The following MAPK9 variants were observed in gnomAD, a reference collection of about 807,000 sequenced individuals.
MAPK9 encodes Jun kinase.
A neutral mutation model predicts 57.1 loss-of-function variants in MAPK9; 30 were observed. The ratio of observed to expected loss-of-function variants is 0.53; its 90% CI spans 0.39 to 0.71. The LOEUF is 0.71. Ranked by LOEUF, MAPK9 falls within the 30% of genes least tolerant of loss-of-function variation. MAPK9 has a pLI of 0.00. For synonymous variants in MAPK9, 155 were observed against 177.0 expected (o/e 0.88, Z 0.99); for missense variants, 362 against 521.0 (o/e 0.69, Z 2.97).
In MAPK9 at chr5:180,251,869, G is replaced by A. The variant is rs1357591876; in HGVS notation, c.451-2731C>T. 2.0e-5 allele frequency among the ~76,000 whole-genome samples: 3 copies of A among 152,140 alleles called. No individual in the cohort carries two copies. The East Asian group carries it at 5.8e-4, about 29-fold the overall frequency. ...CCTCCCCCACTGCCCGCTCAACTCT[G>A]GGATCCAGACCCACTGCTTGAGAGG... On this transcript the variant is annotated intron_variant, in intron 5 of 11. Transcript: ENST00000452135.
At position 180,291,856 on chromosome 5, in the gene MAPK9, C is replaced by A. The variant is rs1045810610; in HGVS notation, c.-56G>T. 3.4e-5 allele frequency: 5 copies of A among 147,700 alleles called. No homozygotes were observed. The highest frequency in any genetic ancestry group is 7.3e-5 in the African/African-American group (3 of 40,930). 9.1% of individuals were successfully genotyped at this position (147,700 alleles called of 1,614,324 possible). A position where few individuals can be genotyped will look rare whatever the true frequency, so the allele number is the denominator to read the frequency against. On this transcript the variant is annotated 5_prime_UTR_variant, in exon 1 of 12. Transcript: ENST00000452135. ...CCGCCCGCCGGGCTCACCTCGCCTC[C>A]CCGCCGCCGCGCCACGGGGAGAGGG...
chr5:180,284,911 C>A (rs992648601), intron 1 of MAPK9, among the ~76,000 whole-genome samples: 2 of 152,198 alleles, frequency 1.3e-5, no homozygotes, highest in Non-Finnish European at 2.9e-5. Context: ...AACACACACA[C>A]ACGCATACAC....
chr5:180,281,512 T>C (rs867286364), intron 1 of MAPK9, among the ~76,000 whole-genome samples: 4 of 152,240 alleles, frequency 2.6e-5, no homozygotes, highest in Admixed American at 6.5e-5. Flanking sequence ...TATTTTGGTC[T>C]TTTAAAACTA....
chr5:180,280,332 A>G (rs1762211480), intron 2 of MAPK9, 108 bp downstream of exon 2: 1 of 1,451,782 alleles, frequency 6.9e-7, no homozygotes, highest in African/African-American at 1.4e-5. Context: ...ATAAACCTAT[A>G]ACAGAGTTTT....
intron 5 of MAPK9, among the ~76,000 whole-genome samples, chr5:180,259,131 GA>G (rs1759632757): frequency 1.3e-5 from 2 of 152,080 alleles, no homozygotes; most frequent in South Asian, 2.1e-4. Flanking sequence ...TGACTGTAAG[GA>G]ATGTGGTCAA....
At position 180,247,416 on chromosome 5, in the gene MAPK9, G is replaced by C; in HGVS notation, c.688+23C>G. 6.2e-7 allele frequency: 1 copy of C among 1,614,152 alleles called. No homozygotes were observed. The highest frequency in any genetic ancestry group is 1.1e-5 in the South Asian group (1 of 91,074). ...TGAGGCATTAAGAAAGCATGGCGGG[G>C]CCAAGGTCGCGGGGAAGGATACGGT... On this transcript the variant is annotated intron_variant, in intron 7 of 11. Coordinates refer to ENST00000452135, the MANE Select transcript of MAPK9 (RefSeq NM_002752.5). The surrounding 1 kb of genome is among the most constrained non-coding windows in gnomAD (Gnocchi z 4.5).
chr5:180,267,398 T>TAAA (rs1760702135), intron 3 of MAPK9, among the ~76,000 whole-genome samples: 1 of 151,386 alleles, frequency 6.6e-6, no homozygotes. Flanking sequence ...CTGTCTCTAC[T>TAAA]AAAAATACAA....
chr5:180,291,134 AGG>A (rs145618038), intron 1 of MAPK9, among the ~76,000 whole-genome samples: 2,025 of 152,244 alleles, frequency 0.013, 62 homozygotes, highest in East Asian at 0.13. Flanking sequence ...GCAAATGCAA[AGG>A]TCCTGGGGCA....
chr5:180,290,604 T>C (rs1763144490), intron 1 of MAPK9, among the ~76,000 whole-genome samples: 1 of 152,240 alleles, frequency 6.6e-6, no homozygotes, highest in Non-Finnish European at 1.5e-5. Flanking sequence ...TAAACTATTA[T>C]AAAAATGTGA....
chr5:180,239,944 T>C lies in MAPK9; in HGVS notation c.1040A>G (p.His347Arg). The change falls in exon 10 of 12, where the codon CAT becomes CGT. Residue 347 changes from histidine to arginine, a missense_variant. His to Arg is a conservative substitution (Grantham distance 29). This residue lies in a region of MAPK9 where 199 missense variants were observed against 251.3 expected (regional missense o/e 0.79). Coordinates refer to ENST00000452135, the MANE Select transcript of MAPK9 (RefSeq NM_002752.5). Reference protein sequence around the residue: ...IYDAQLEEREHAIEEWKELIY... With the variant: ...IYDAQLEERERAIEEWKELIY... Reference sequence around the variant, plus strand: ...TTTACCTTTCCATTCTTCAATTGCATGTTCTCTTTCTTCCAACTGGGCATC... The same window carrying C: ...TTTACCTTTCCATTCTTCAATTGCACGTTCTCTTTCTTCCAACTGGGCATC... 1.9e-6 allele frequency: 3 copies of C among 1,613,788 alleles called. No homozygotes were observed. The highest frequency in any genetic ancestry group is 2.5e-6 in the Non-Finnish European group (3 of 1,179,874).
intron 1 of MAPK9, 57 bp from the exon 2 acceptor site, chr5:180,280,665 C>A: frequency 2.2e-6 from 3 of 1,374,992 alleles, no homozygotes; most frequent in African/African-American, 1.4e-5. Context: ...ACGCAGCTCA[C>A]GTAAGAGAGT....
intron 11 of MAPK9, 153 bp from the exon 12 acceptor site, chr5:180,236,679 C>G (rs1415735531): frequency 9.1e-6 from 6 of 662,466 alleles, no homozygotes; most frequent in Non-Finnish European, 1.4e-5. Context: ...GCTGGACTTT[C>G]TGAACTTTTC....
At position 180,236,393 on chromosome 5, in the gene MAPK9, G is replaced by A. The variant is rs751271294; in HGVS notation, c.1266C>T (p.Gly422=). Residue 422 remains glycine, a synonymous_variant, in exon 12 of 12, where the codon GGC becomes GGT. Transcript: ENST00000452135. ...SLDASTGPLE[G]CR Reference sequence around the variant, plus strand: ...TGCTATTTCTAACCTATCATCGACAGCCTTCAAGGGGTCCCGTCGAGGCAT... The same window carrying A: ...TGCTATTTCTAACCTATCATCGACAACCTTCAAGGGGTCCCGTCGAGGCAT... 6.2e-7 allele frequency: 1 copy of A among 1,611,878 alleles called. No homozygotes were observed. Among genetic ancestry groups the A allele is most frequent in the Non-Finnish European group, 8.5e-7 (1 of 1,178,308 alleles).
At chr5:180,276,444 A>G (rs1426877269) in intron 2 of MAPK9, among the ~76,000 whole-genome samples, 1 of 152,254 alleles carries the variant, frequency 6.6e-6, no homozygotes, top group African/African-American at 2.4e-5. Flanking sequence ...AGAAAAACTG[A>G]ATATATGTAT....
intron 3 of MAPK9, among the ~76,000 whole-genome samples, chr5:180,267,762 G>A (rs1043714933): frequency 6.6e-6 from 1 of 151,984 alleles, no homozygotes; most frequent in Admixed American, 6.6e-5. Context: ...CTACTTGGAG[G>A]GCTGAGGTGG....
At chr5:180,268,498 T>C (rs940755319) in intron 3 of MAPK9, among the ~76,000 whole-genome samples, 3 of 152,252 alleles carry the variant, frequency 2.0e-5, no homozygotes, top group Admixed American at 1.3e-4. Context: ...ACCATAATGA[T>C]GCCTCTTTCT....
In MAPK9 at chr5:180,249,017, T is replaced by C. The variant is rs1423718672; in HGVS notation, c.572A>G (p.Tyr191Cys). The C allele has an allele frequency of 1.9e-6, 3 of 1,613,864 alleles. No individual in the cohort carries two copies. The highest frequency in any genetic ancestry group is 2.5e-6 in the Non-Finnish European group (3 of 1,179,880). ...MMTPYVVTRY[Y>C]RAPEVILGMG... The stretch of plus-strand genomic sequence containing the variant: ...ACCCAGGATGACTTCGGGCGCCCGG[T>C]AGTACCGTGTCACCACGTAAGGGGT... Residue 191 changes from tyrosine (Y) to cysteine (C), a missense_variant, in exon 6 of 12, where the codon TAC becomes TGC. This residue lies in a region of MAPK9 where 127 missense variants were observed against 231.7 expected (regional missense o/e 0.55). Transcript: ENST00000452135.
Position 180,249,109 on chromosome 5 carries a change from T to G in MAPK9, c.480A>C (p.Lys160Asn). Residue 160 changes from lysine (K) to asparagine (N), a missense_variant, in exon 6 of 12, where the codon AAA (lysine) becomes AAC (asparagine). This residue lies in a region of MAPK9 where 127 missense variants were observed against 231.7 expected (regional missense o/e 0.55). Transcript: ENST00000452135. Reference sequence around the variant, plus strand: ...CAAGGATCTTCAGGGTGCAGTCTGATTTCACAACAATGTTGCTAGGCTTCA... The same window carrying G: ...CAAGGATCTTCAGGGTGCAGTCTGAGTTCACAACAATGTTGCTAGGCTTCA... ...RDLKPSNIVV[K>N]SDCTLKILDF... The G allele has an allele frequency of 6.2e-7, 1 of 1,611,368 alleles. No individual in the cohort carries two copies. Among genetic ancestry groups the G allele is most frequent in the Non-Finnish European group, 8.5e-7 (1 of 1,179,154 alleles).
intron 2 of MAPK9, among the ~76,000 whole-genome samples, chr5:180,273,873 G>GT (rs1255579275): frequency 6.6e-6 from 1 of 152,122 alleles, no homozygotes; most frequent in Non-Finnish European, 1.5e-5. Context: ...CAGTTTTATG[G>GT]TAAGTCTTCA....
Sources: allele counts gnomAD v4.1 joint callset (sites outside exome capture counted in the v4.1 genomes callset), GRCh38; gene constraint gnomAD v4.1.1; regional missense constraint gnomAD v4.1.1; non-coding constraint Gnocchi (gnomAD v3.1); transcripts MANE v1.5; gene names NCBI Gene and HGNC (gene_info 2026-07-23, HGNC 2026-07-21).